The following DAB1 variants were observed in gnomAD, a reference collection of about 807,000 sequenced individuals.
The protein encoded by DAB1 is DAB adaptor protein 1.
Under a neutral mutation model 64.6 loss-of-function variants are expected in DAB1, and 15 were observed. The observed-to-expected ratio is 0.23, with a 90% CI of 0.16 to 0.36. DAB1 has a LOEUF of 0.36. DAB1 is among the 10% of genes least tolerant of loss of function. The pLI is 1.00. For missense variants in DAB1, 596 were observed against 706.7 expected (o/e 0.84, Z 1.78); for synonymous variants, 235 against 251.9 (o/e 0.93, Z 0.64).
At chr1:58,229,602 G>A (rs1442297928) in intron 4 of DAB1, among the ~76,000 whole-genome samples, 1 of 152,136 alleles carries the variant, frequency 6.6e-6, no homozygotes, top group Non-Finnish European at 1.5e-5. Context: ...CACCCAAAGG[G>A]AAGTTAGTAC....
chr1:58,505,972 C>A, intron 3 of DAB1: 1 of 708,090 alleles, frequency 1.4e-6, no homozygotes, highest in Non-Finnish European at 2.5e-6. Context: ...TAGGCTAGAA[C>A]TCTCTTTTAC....
chr1:57,143,432 T>A (rs1023681828), intron 3 of DAB1, among the ~76,000 whole-genome samples: 1 of 152,170 alleles, frequency 6.6e-6, no homozygotes, highest in Non-Finnish European at 1.5e-5. Context: ...TGTATAACAT[T>A]GCTTAATTAT....
intron 4 of DAB1, among the ~76,000 whole-genome samples, chr1:58,210,816 C>G (rs899843634): frequency 2.0e-5 from 3 of 151,994 alleles, no homozygotes; most frequent in African/African-American, 7.3e-5. Flanking sequence ...TGACTCATGA[C>G]CAAGTACTTA....
intron 2 of DAB1, among the ~76,000 whole-genome samples, chr1:57,239,734 T>A (rs1003359889): frequency 6.6e-6 from 1 of 152,186 alleles, no homozygotes; most frequent in African/African-American, 2.4e-5. Flanking sequence ...AGAACCCAGG[T>A]CAATTAATTA....
At chr1:57,590,735 A>AACACAC (rs58957864) in intron 7 of DAB1, among the ~76,000 whole-genome samples, 7,435 of 132,300 alleles carry the variant, frequency 0.056, 247 homozygotes, top group East Asian at 0.14. Context: ...TGTAGTCCGT[A>AACACAC]ACACACACAC....
At chr1:58,493,101 G>A (rs1227969419) in intron 3 of DAB1, among the ~76,000 whole-genome samples, 1 of 152,232 alleles carries the variant, frequency 6.6e-6, no homozygotes, top group East Asian at 1.9e-4. Context: ...GGGATGCAAG[G>A]CTGGTTCAAC....
intron 7 of DAB1, among the ~76,000 whole-genome samples, chr1:57,497,429 T>A (rs1644243543): frequency 6.6e-6 from 1 of 152,208 alleles, no homozygotes; most frequent in East Asian, 1.9e-4. Flanking sequence ...CTAGCACTGG[T>A]ATAAGCACTG....
chr1:57,781,713 GAAA>G (rs3081035), intron 6 of DAB1, among the ~76,000 whole-genome samples: 21,390 of 135,636 alleles, frequency 0.16, 1,714 homozygotes, highest in East Asian at 0.28. Context: ...AAGCAATTGA[GAAA>G]AAAAAAAAAA....
intron 9 of DAB1, among the ~76,000 whole-genome samples, chr1:57,043,558 C>T (rs1015683265): frequency 6.6e-6 from 1 of 152,156 alleles, no homozygotes; most frequent in African/African-American, 2.4e-5. Context: ...TAAAAAATAT[C>T]AGATGAGGCC....
rs1485311226 is a variant in DAB1, at chr1:58,180,484, G to A, written n.310-29896C>T. On this transcript the variant is annotated intron_variant and non_coding_transcript_variant, in intron 4 of 20. Coordinates refer to the DAB1 transcript ENST00000485760. ...ATTTTTTAAAATTTTTCATAGAGGC[G>A]AGCTCTCACTATGTTGCCCAGGCTG... Among the ~76,000 whole-genome samples, 3 of 151,260 alleles carry A rather than the reference G, an allele frequency of 2.0e-5. No individual in the cohort carries two copies. In the East Asian group the frequency reaches 5.9e-4, roughly 30 times the overall value.
intron 5 of DAB1, among the ~76,000 whole-genome samples, chr1:58,136,655 G>A (rs139169186): frequency 2.6e-5 from 4 of 152,316 alleles, no homozygotes; most frequent in Non-Finnish European, 5.9e-5. Context: ...AAACCTAATT[G>A]ATTCAACAGG....
rs571745692 is a variant in DAB1 at position 57,445,157 on chromosome 1, G to A, written n.626-153991C>T. ...TAGAGTTTTATTAACTTCTTATACT[G>A]AAAATTATTTATCATTTATTTATTA... On this transcript the variant is annotated intron_variant and non_coding_transcript_variant, in intron 7 of 20. Coordinates refer to the DAB1 transcript ENST00000485760. Among the ~76,000 whole-genome samples, 3 of 151,804 alleles carry A rather than the reference G, an allele frequency of 2.0e-5. No homozygotes were observed. The East Asian group carries it at 5.8e-4, about 29-fold the overall frequency.
intron 11 of DAB1, among the ~76,000 whole-genome samples, chr1:57,019,348 C>T (rs1646540290): frequency 6.6e-6 from 1 of 152,144 alleles, no homozygotes; most frequent in African/African-American, 2.4e-5. Context: ...TTTTTCCCCT[C>T]CCATCTTTTA....
intron 2 of DAB1, among the ~76,000 whole-genome samples, chr1:57,163,956 A>C (rs1319082763): frequency 6.6e-6 from 1 of 152,164 alleles, no homozygotes; most frequent in Non-Finnish European, 1.5e-5. Context: ...CAGAGCAGAG[A>C]GAGCAATTTC....
intron 4 of DAB1, among the ~76,000 whole-genome samples, chr1:58,153,623 C>T (rs935388808): frequency 2.6e-5 from 4 of 152,198 alleles, no homozygotes; most frequent in Non-Finnish European, 1.5e-5. Flanking sequence ...ACCATTCAAC[C>T]TAGAGCTGTA....
At chr1:58,303,314 G>A (rs550824371) in intron 4 of DAB1, among the ~76,000 whole-genome samples, 31 of 152,132 alleles carry the variant, frequency 2.0e-4, no homozygotes, top group African/African-American at 6.3e-4. Context: ...AATCTCTGGG[G>A]TGCCTCAGTT....
upstream of DAB1, among the ~76,000 whole-genome samples, chr1:57,427,742 T>C (rs994340214): frequency 1.2e-4 from 18 of 152,236 alleles, no homozygotes; most frequent in Non-Finnish European, 2.2e-4. Flanking sequence ...ATATTGTATA[T>C]ATTTAAGATG....
intron 5 of DAB1, among the ~76,000 whole-genome samples, chr1:58,063,698 T>C (rs1648656225): frequency 6.6e-6 from 1 of 152,216 alleles, no homozygotes; most frequent in African/African-American, 2.4e-5. Context: ...GTGGTCTCTG[T>C]GCTTTCCCTG....
chr1:57,222,721 C>A (rs531202228), intron 2 of DAB1, among the ~76,000 whole-genome samples: 1 of 152,268 alleles, frequency 6.6e-6, no homozygotes. Context: ...AACATACATA[C>A]ACGAGACCCA....
Sources: allele counts gnomAD v4.1 joint callset (sites outside exome capture counted in the v4.1 genomes callset), GRCh38; gene constraint gnomAD v4.1.1; transcripts MANE v1.5; gene names NCBI Gene and HGNC (gene_info 2026-07-23, HGNC 2026-07-21).